The following PLCL2 variants were observed in gnomAD, a reference collection of about 807,000 sequenced individuals.
PLCL2 encodes inactive phospholipase C-like protein 2.
In PLCL2, 4 loss-of-function variants were observed where a neutral mutation model predicts 79.6. The observed-to-expected ratio is 0.05, with a 90% CI of 0.02 to 0.11. The LOEUF (loss-of-function observed/expected upper bound fraction) is 0.11, where lower values mean the gene tolerates loss of function less well. PLCL2 is among the 10% of genes least tolerant of loss of function. PLCL2 has a pLI of 1.00. For missense variants in PLCL2, 895 were observed against 1,291.0 expected (o/e 0.69, Z 4.70); for synonymous variants, 484 against 457.7 (o/e 1.06, Z -0.73).
chr3:17,046,624 A>G (rs1241951190), intron 4 of PLCL2, among the ~76,000 whole-genome samples: 1 of 152,264 alleles, frequency 6.6e-6, no homozygotes, highest in Non-Finnish European at 1.5e-5. Flanking sequence ...CTAAAACCTC[A>G]TTAAAATGAC....
chr3:16,940,129 A>G (rs1697642837), intron 1 of PLCL2, among the ~76,000 whole-genome samples: 1 of 152,178 alleles, frequency 6.6e-6, no homozygotes. Flanking sequence ...GTTCCTAGGC[A>G]GCACCCTCCC....
At chr3:16,957,169 G>A (rs945636531) in intron 1 of PLCL2, among the ~76,000 whole-genome samples, 41 of 151,942 alleles carry the variant, frequency 2.7e-4, no homozygotes, top group Non-Finnish European at 5.0e-4. Flanking sequence ...GGCATTTAGT[G>A]CTATAAATTT....
chr3:16,909,249 A>G (rs557116234), intron 1 of PLCL2, among the ~76,000 whole-genome samples: 83 of 152,354 alleles, frequency 5.4e-4, no homozygotes, highest in African/African-American at 1.9e-3. Flanking sequence ...GTACACTCTC[A>G]ATATACAGGT....
At chr3:16,993,530 A>G (rs1186743383) in intron 1 of PLCL2, among the ~76,000 whole-genome samples, 1 of 152,224 alleles carries the variant, frequency 6.6e-6, no homozygotes, top group Non-Finnish European at 1.5e-5. Flanking sequence ...AAGCCTTGTT[A>G]GAATTGGTAA....
chr3:17,045,429 T>A (rs547320612), intron 4 of PLCL2, among the ~76,000 whole-genome samples: 30 of 152,258 alleles, frequency 2.0e-4, no homozygotes, highest in Middle Eastern at 6.8e-3. Context: ...CATAGGAACA[T>A]GCTATGCTGA....
chr3:17,019,669 C>T (rs1448584829), intron 3 of PLCL2, among the ~76,000 whole-genome samples: 1 of 152,044 alleles, frequency 6.6e-6, no homozygotes, highest in Non-Finnish European at 1.5e-5. Flanking sequence ...TGCATTTTCA[C>T]ATATATTAAA....
rs1368273520 is a variant in PLCL2 at position 16,885,333 on chromosome 3, G to C, written c.294G>C (p.Pro98=). The change falls in exon 1 of 6, where the codon CCG becomes CCC. Residue 98 remains proline, a synonymous_variant. Transcript: ENST00000615277. The stretch of plus-strand genomic sequence containing the variant: ...GTACCCTCCCCCGGGAGAGCAAGCC[G>C]GGCGGCCTGCCCCGCCGGAGCAGCA... The part of the protein sequence containing the change: ...VVCTLPRESK[P]GGLPRRSSII... The C allele has an allele frequency of 9.1e-6, 6 of 656,600 alleles. No individual in the cohort carries two copies. Among genetic ancestry groups the C allele is most frequent in the Non-Finnish European group, 8.3e-6 (3 of 363,544 alleles). 40.7% of individuals were successfully genotyped at this position (656,600 alleles called of 1,614,324 possible). A position where few individuals can be genotyped will look rare whatever the true frequency, so the allele number is the denominator to read the frequency against.
At chr3:16,981,936 T>A (rs1575569512) in intron 1 of PLCL2, among the ~76,000 whole-genome samples, 1 of 152,252 alleles carries the variant, frequency 6.6e-6, no homozygotes. Context: ...GATGTTCTAT[T>A]TCCTTCATCT....
intron 1 of PLCL2, among the ~76,000 whole-genome samples, chr3:16,977,819 G>A (rs2063942417): frequency 6.6e-6 from 1 of 152,172 alleles, no homozygotes; most frequent in South Asian, 2.1e-4. Flanking sequence ...CAGTTCTCGA[G>A]GGTGGAAAGT....
At chr3:16,897,244 G>A (rs1317464480) in intron 1 of PLCL2, among the ~76,000 whole-genome samples, 1 of 151,818 alleles carries the variant, frequency 6.6e-6, no homozygotes, top group African/African-American at 2.4e-5. Context: ...ATGTGAAAAT[G>A]ACAGTCTGCC....
At chr3:16,895,144 A>G (rs1341282725) in intron 1 of PLCL2, among the ~76,000 whole-genome samples, 1 of 152,070 alleles carries the variant, frequency 6.6e-6, no homozygotes, top group Non-Finnish European at 1.5e-5. Context: ...CTATATCGAT[A>G]TAGATATATG....
At chr3:17,001,782 A>G (rs2064213714) in intron 1 of PLCL2, among the ~76,000 whole-genome samples, 1 of 151,856 alleles carries the variant, frequency 6.6e-6, no homozygotes, top group Non-Finnish European at 1.5e-5. Flanking sequence ...GTAGTCAGGT[A>G]GTATGATGAT....
chr3:17,017,411 T>G (rs1055616242), intron 3 of PLCL2, among the ~76,000 whole-genome samples: 1 of 152,212 alleles, frequency 6.6e-6, no homozygotes, highest in African/African-American at 2.4e-5. Context: ...GCAGCAATAT[T>G]ATAACTCTTG....
intron 1 of PLCL2, among the ~76,000 whole-genome samples, chr3:16,938,497 G>A (rs1697598948): frequency 6.6e-6 from 1 of 152,118 alleles, no homozygotes. Flanking sequence ...AAAGCCATAG[G>A]CTAAGGGAAG....
chr3:16,953,697 C>G (rs1287904096), intron 1 of PLCL2, among the ~76,000 whole-genome samples: 1 of 152,086 alleles, frequency 6.6e-6, no homozygotes, highest in African/African-American at 2.4e-5. Context: ...TGGGCGTTAC[C>G]TGTCTGAGAA....
chr3:16,963,221 A>G (rs983207569), intron 1 of PLCL2, among the ~76,000 whole-genome samples: 8 of 152,120 alleles, frequency 5.3e-5, no homozygotes, highest in African/African-American at 1.7e-4. Flanking sequence ...AGGTAATGCT[A>G]AAAGATTTCT....
chr3:17,067,907 C>T (rs745629764), intron 4 of PLCL2, 49 bp from the exon 5 acceptor site: 3 of 1,013,774 alleles, frequency 3.0e-6, no homozygotes, highest in Non-Finnish European at 4.5e-6. Flanking sequence ...AGTTCATTAC[C>T]ACAGATTGGA....
chr3:17,010,289 T>C lies in PLCL2; in HGVS notation c.943T>C (p.Leu315=), dbSNP rs570818277. 1.2e-6 allele frequency: 2 copies of C among 1,614,044 alleles called. No individual in the cohort carries two copies. The highest frequency in any genetic ancestry group is 1.3e-5 in the African/African-American group (1 of 75,028). The change falls in exon 2 of 6, where the codon TTG becomes CTG. Residue 315 remains leucine (L), a synonymous_variant. Transcript: ENST00000615277. The surrounding 1 kb of genome is among the most constrained non-coding windows in gnomAD (Gnocchi z 5.8). ...TSKIELKFKE[L]HKSKDKAGTE... is the part of the protein sequence containing the mutation. ...CAAAATTGAGCTTAAGTTCAAAGAATTGCATAAATCAAAGGACAAAGCTGG... is the reference window on the plus strand; with the variant it reads ...CAAAATTGAGCTTAAGTTCAAAGAACTGCATAAATCAAAGGACAAAGCTGG...
intron 1 of PLCL2, among the ~76,000 whole-genome samples, chr3:16,899,969 T>G (rs1036180363): frequency 6.6e-6 from 1 of 152,192 alleles, no homozygotes; most frequent in Non-Finnish European, 1.5e-5. Context: ...TTTAGTTTTT[T>G]ATTTTTATTT....
Sources: gnomAD v4.1 joint callset for allele counts (sites outside exome capture counted in the v4.1 genomes callset) on GRCh38, gnomAD v4.1.1 for gene constraint, Gnocchi (gnomAD v3.1) non-coding constraint, MANE v1.5 for transcripts, NCBI Gene and HGNC (gene_info 2026-07-23, HGNC 2026-07-21) for gene names.